SLC16A7: variants seen among roughly 807,000 people sequenced by gnomAD.
SLC16A7 encodes the protein solute carrier family 16 member 7, also known as monocarboxylate transporter 2.
SLC16A7 carries 33 observed loss-of-function variants against 34.9 expected under a neutral mutation model. The ratio of observed to expected loss-of-function variants is 0.94; its 90% CI spans 0.72 to 1.26. SLC16A7 has a LOEUF of 1.26. Among genes scored for constraint, SLC16A7 ranks in the 50% most tolerant of loss-of-function variants. SLC16A7 has a pLI of 0.00. For missense variants in SLC16A7, 573 were observed against 578.1 expected, an observed-to-expected ratio of 0.99 and a Z score of 0.09; for synonymous variants, 201 against 206.6, an observed-to-expected ratio of 0.97 and a Z score of 0.23.
intron 1 of SLC16A7, among the ~76,000 whole-genome samples, chr12:59,640,816 A>G (rs1880650571): frequency 6.6e-6 from 1 of 152,092 alleles, no homozygotes; most frequent in Non-Finnish European, 1.5e-5. Context: ...ATTTTCTAAA[A>G]CATTAAAAAA....
At chr12:59,779,228 A>G (rs1883044614) in intron 5 of SLC16A7, among the ~76,000 whole-genome samples, 195 bp from the exon 6 acceptor site, 1 of 152,116 alleles carries the variant, frequency 6.6e-6, no homozygotes, top group South Asian at 2.1e-4. Context: ...TACTAGTAAT[A>G]TAATACTGTA....
rs1049691370 is a variant in SLC16A7, at chr12:59,739,159, C to A, written c.218-32060C>A. 2.7e-4 allele frequency among the ~76,000 whole-genome samples: 40 copies of A among 150,812 alleles called. No homozygotes were observed. The East Asian group carries it at 6.5e-3, about 24-fold the overall frequency. ...CTACACCCATTAACTCGTCATTTAG[C>A]ATTAGGTATATCTCCTAAAGCTATC... On this transcript the variant is annotated intron_variant, in intron 3 of 5. Transcript: ENST00000547379.
Position 59,780,990 on chromosome 12 carries a change from C to G in SLC16A7, c.*1311C>G, listed in dbSNP as rs1883205834. 1 of 152,098 alleles carries G rather than the reference C, an allele frequency of 6.6e-6. No individual in the cohort carries two copies. Among genetic ancestry groups the G allele is most frequent in the African/African-American group, 2.4e-5 (1 of 41,438 alleles). 9.4% of individuals were successfully genotyped at this position (152,098 alleles called of 1,614,324 possible). On this transcript the variant is annotated 3_prime_UTR_variant, in exon 6 of 6. Coordinates refer to ENST00000547379, the MANE Select transcript of SLC16A7 (RefSeq NM_001270623.2). ...CTTTGGACATAACTAAGCCAGGAAA[C>G]TTTAAAAGCCTTCTAGAAATAGAGG...
At chr12:59,753,157 A>C (rs995475218) in intron 3 of SLC16A7, among the ~76,000 whole-genome samples, 1 of 152,234 alleles carries the variant, frequency 6.6e-6, no homozygotes, top group African/African-American at 2.4e-5. Flanking sequence ...AATCATGCCA[A>C]ATTGTAAAGT....
intron 2 of SLC16A7, among the ~76,000 whole-genome samples, chr12:59,658,013 C>T (rs1205360448): frequency 6.6e-6 from 1 of 151,904 alleles, no homozygotes; most frequent in Non-Finnish European, 1.5e-5. Context: ...CCTAGGTTTT[C>T]TCTAGTATGA....
chr12:59,764,731 A>G (rs1354228198), intron 3 of SLC16A7, among the ~76,000 whole-genome samples: 1 of 151,972 alleles, frequency 6.6e-6, no homozygotes, highest in Non-Finnish European at 1.5e-5. Flanking sequence ...CCAGTCTATC[A>G]TTGTTGGACA....
chr12:59,757,984 G>A (rs892113708), intron 3 of SLC16A7, among the ~76,000 whole-genome samples: 1 of 151,916 alleles, frequency 6.6e-6, no homozygotes, highest in Non-Finnish European at 1.5e-5. Flanking sequence ...TAGTTTTTTA[G>A]CCATTTTAGC....
intron 3 of SLC16A7, among the ~76,000 whole-genome samples, chr12:59,742,805 G>A (rs191378600): frequency 6.6e-6 from 1 of 152,148 alleles, no homozygotes; most frequent in African/African-American, 2.4e-5. Context: ...AATATATTTT[G>A]AAGATTCTCT....
At chr12:59,653,820 G>A (rs1371494601) in intron 1 of SLC16A7, among the ~76,000 whole-genome samples, 2 of 151,468 alleles carry the variant, frequency 1.3e-5, no homozygotes, top group Non-Finnish European at 3.0e-5. Flanking sequence ...AAGTGCTATC[G>A]AAATGACCTC....
rs1883554166 is a variant in SLC16A7 at position 59,785,524 on chromosome 12, AATGTTTTCCTTTCT to A, written c.*5853_*5866del. 1 of 152,074 alleles carries A rather than the reference AATGTTTTCCTTTCT, an allele frequency of 6.6e-6. No individual in the cohort carries two copies. The highest frequency in any genetic ancestry group is 2.4e-5 in the African/African-American group (1 of 41,434). 9.4% of individuals were successfully genotyped at this position (152,074 alleles called of 1,614,324 possible). On this transcript the variant is annotated 3_prime_UTR_variant, in exon 6 of 6. Coordinates refer to ENST00000547379, the MANE Select transcript of SLC16A7 (RefSeq NM_001270623.2). ...TCTCCTGCTTCTTCATCATCTCCTA[AATGTTTTCCTTTCT>A]ATGTTTTTATAATATCTAGGTAAAA...
chr12:59,688,965 A>G (rs1484209077), intron 2 of SLC16A7, among the ~76,000 whole-genome samples: 1 of 152,064 alleles, frequency 6.6e-6, no homozygotes, highest in Non-Finnish European at 1.5e-5. Flanking sequence ...TCAACTTAAT[A>G]TAATTAAGGA....
chr12:59,610,613 A>G (rs1258588066), intron 1 of SLC16A7, among the ~76,000 whole-genome samples: 2 of 152,216 alleles, frequency 1.3e-5, no homozygotes, highest in African/African-American at 4.8e-5. Flanking sequence ...TTATAACTTG[A>G]AATTCAATGT....
intron 3 of SLC16A7, among the ~76,000 whole-genome samples, chr12:59,736,766 G>T (rs896386825): frequency 6.6e-5 from 10 of 152,172 alleles, no homozygotes; most frequent in Non-Finnish European, 1.5e-4. Flanking sequence ...TACTAAACAA[G>T]TCCTGATCAT....
intron 1 of SLC16A7, among the ~76,000 whole-genome samples, chr12:59,609,234 G>A (rs943854922): frequency 1.3e-5 from 2 of 152,164 alleles, no homozygotes; most frequent in Non-Finnish European, 2.9e-5. Flanking sequence ...TGATTTTTAG[G>A]GAATTCAATA....
chr12:59,659,787 G>A (rs772224124), intron 2 of SLC16A7, among the ~76,000 whole-genome samples: 1 of 152,012 alleles, frequency 6.6e-6, no homozygotes, highest in South Asian at 2.1e-4. Flanking sequence ...TGTCTCCTCT[G>A]TAGGAAGGCA....
chr12:59,773,028 C>A (rs1040265162), intron 4 of SLC16A7, among the ~76,000 whole-genome samples: 3 of 151,330 alleles, frequency 2.0e-5, no homozygotes, highest in Non-Finnish European at 4.4e-5. Flanking sequence ...GCAACTATTT[C>A]CAAATGAAAA....
chr12:59,684,066 T>C (rs946275828), intron 2 of SLC16A7, among the ~76,000 whole-genome samples: 7 of 152,188 alleles, frequency 4.6e-5, no homozygotes, highest in Non-Finnish European at 1.0e-4. Flanking sequence ...TGTGGTGAGA[T>C]AGTAGAGTTT....
chr12:59,640,482 A>T (rs938212041), intron 1 of SLC16A7, among the ~76,000 whole-genome samples: 3 of 151,696 alleles, frequency 2.0e-5, no homozygotes, highest in Non-Finnish European at 4.4e-5. Flanking sequence ...TAGGATTGTT[A>T]TTTTTGCTTG....
At chr12:59,746,518 T>G (rs543678245) in intron 3 of SLC16A7, among the ~76,000 whole-genome samples, 1 of 152,216 alleles carries the variant, frequency 6.6e-6, no homozygotes, top group African/African-American at 2.4e-5. Context: ...AAAGAAAACT[T>G]AGAAAGTGAG....
Sources: gnomAD v4.1 joint callset for allele counts (sites outside exome capture counted in the v4.1 genomes callset) on GRCh38, gnomAD v4.1.1 for gene constraint, MANE v1.5 for transcripts, NCBI Gene and HGNC (gene_info 2026-07-23, HGNC 2026-07-21) for gene names.